Variants in ACTA2 observed in about 807,000 individuals in gnomAD.
ACTA2 encodes actin, aortic smooth muscle.
ACTA2 carries 12 observed loss-of-function variants against 39.5 expected under a neutral mutation model. That is an observed-to-expected ratio of 0.30 (90% confidence interval 0.19 to 0.49). The LOEUF (loss-of-function observed/expected upper bound fraction) is 0.49. Ranked by LOEUF, ACTA2 falls within the 20% of genes least tolerant of loss-of-function variation. ACTA2 has a pLI of 0.99. For synonymous variants in ACTA2, 158 were observed against 180.6 expected (o/e 0.88, Z 1.00); for missense variants, 236 against 498.8 (o/e 0.47, Z 5.02).
At chr10:88,973,946 C>T (rs11812622) in intron 1 of ACTA2, 12,981 of 152,370 alleles carry the variant, frequency 0.085, 718 homozygotes, top group Non-Finnish European at 0.13. Flanking sequence ...GGACTACAGG[C>T]GTGCACCACC....
Position 88,990,754 on chromosome 10 carries a change from G to T in ACTA2, c.-24+185C>A. The T allele has an allele frequency of 7.9e-7, 1 of 1,263,374 alleles. No individual in the cohort carries two copies. The highest frequency in any genetic ancestry group is 1.1e-6 in the Non-Finnish European group (1 of 872,342). 78.3% of individuals were successfully genotyped at this position (1,263,374 alleles called of 1,614,324 possible). ...GAGCCTCAGGGGCGGGCACTGGCAC[G>T]GAACACACCCTGAGGCCAGCCCTGG... On this transcript the variant is annotated intron_variant, in intron 1 of 4. Coordinates refer to the ACTA2 transcript ENST00000415557. This position sits in a 1 kb window ranked among gnomAD's most constrained non-coding sequence, Gnocchi z 4.9.
At chr10:88,975,642 A>ATT (rs564584574) in intron 1 of ACTA2, among the ~76,000 whole-genome samples, 1 of 148,778 alleles carries the variant, frequency 6.7e-6, no homozygotes, top group Non-Finnish European at 1.5e-5. Context: ...TGAGAGTAGG[A>ATT]TTTTTTTTTT....
chr10:88,989,657 C>T, intron 1 of ACTA2: 1 of 480,358 alleles, frequency 2.1e-6, no homozygotes, highest in Non-Finnish European at 4.1e-6. Context: ...TTTGAGGGCC[C>T]AAACAGGCTC....
chr10:88,982,854 T>G (rs1338381349), intron 1 of ACTA2, among the ~76,000 whole-genome samples: 1 of 152,172 alleles, frequency 6.6e-6, no homozygotes. Flanking sequence ...AGAAATGCTG[T>G]AATAATAATA....
intron 1 of ACTA2, among the ~76,000 whole-genome samples, chr10:88,982,139 G>C (rs189717085): frequency 6.6e-6 from 1 of 152,224 alleles, no homozygotes; most frequent in Non-Finnish European, 1.5e-5. Context: ...ACAGCTTACT[G>C]GTTGGGTGAC....
intron 1 of ACTA2, among the ~76,000 whole-genome samples, chr10:88,985,171 T>C (rs991196867): frequency 1.1e-4 from 16 of 152,174 alleles, no homozygotes; most frequent in African/African-American, 3.9e-4. Context: ...TGGAAAGACT[T>C]ATGTTTACCA....
intron 1 of ACTA2, among the ~76,000 whole-genome samples, chr10:88,986,183 G>C (rs192888480): frequency 4.5e-4 from 69 of 152,246 alleles, no homozygotes; most frequent in African/African-American, 1.6e-3. Flanking sequence ...GCCCACTCAG[G>C]ATGAAATTTT....
At chr10:88,957,439 T>C (rs894925625), upstream of ACTA2, among the ~76,000 whole-genome samples, 1 of 152,194 alleles carries the variant, frequency 6.6e-6, no homozygotes, top group African/African-American at 2.4e-5. Context: ...TAAAAGATGT[T>C]TTAAATTCCT....
chr10:88,973,190 A>ATTCCTTTC (rs1846488401), intron 1 of ACTA2: 1 of 1,612,220 alleles, frequency 6.2e-7, no homozygotes, highest in Non-Finnish European at 8.5e-7. Flanking sequence ...AGATTCAGAA[A>ATTCCTTTC]TTCCTTTCTG....
At chr10:88,940,787 A>ATAT (rs1845833458) in intron 6 of ACTA2, 2 of 284,542 alleles carry the variant, frequency 7.0e-6, no homozygotes, top group Non-Finnish European at 1.4e-5. Flanking sequence ...CAATCATGTG[A>ATAT]TATAGGGTCT....
chr10:88,962,642 C>G (rs777801712), intron 1 of ACTA2, among the ~76,000 whole-genome samples: 1 of 152,054 alleles, frequency 6.6e-6, no homozygotes, highest in South Asian at 2.1e-4. Context: ...GTGTCACACA[C>G]TATTTCAGTG....
At chr10:88,952,550 CCT>C (rs1846068870) in intron 1 of ACTA2, among the ~76,000 whole-genome samples, 179 bp downstream of exon 1, 1 of 152,178 alleles carries the variant, frequency 6.6e-6, no homozygotes, top group African/African-American at 2.4e-5. Flanking sequence ...ACATATTAGC[CCT>C]GTCTTTAACG....
intron 1 of ACTA2, among the ~76,000 whole-genome samples, chr10:88,976,599 A>T (rs568197290): frequency 6.6e-6 from 1 of 152,368 alleles, no homozygotes; most frequent in East Asian, 1.9e-4. Context: ...AATGACTAAC[A>T]TATCTCTAAT....
At chr10:88,939,339 G>T (rs1305142197) in intron 7 of ACTA2, 168 bp downstream of exon 7, 1 of 825,622 alleles carries the variant, frequency 1.2e-6, no homozygotes, top group Non-Finnish European at 2.0e-6. Flanking sequence ...CTTTTTCCTG[G>T]CCTCATTATG....
intron 1 of ACTA2, among the ~76,000 whole-genome samples, chr10:88,950,177 T>C (rs1846024384): frequency 6.6e-6 from 1 of 152,208 alleles, no homozygotes; most frequent in Non-Finnish European, 1.5e-5. Context: ...TAGCCACCCC[T>C]TGGCTTCCAG....
chr10:88,937,106 A>AC (rs1180324686), intron 8 of ACTA2, among the ~76,000 whole-genome samples: 1 of 146,550 alleles, frequency 6.8e-6, no homozygotes, highest in African/African-American at 2.5e-5. Context: ...TCCAAGAAAC[A>AC]CAAACGCTGT....
At chr10:88,939,792 G>A (rs1046990683) in intron 6 of ACTA2, 94 bp from the exon 7 acceptor site, 27 of 1,320,870 alleles carry the variant, frequency 2.0e-5, no homozygotes, top group Non-Finnish European at 2.9e-5. Context: ...CTCAAGACAT[G>A]TGCCATCAAA....
At chr10:88,975,706 T>C (rs114224163) in intron 1 of ACTA2, among the ~76,000 whole-genome samples, 1,574 of 152,210 alleles carry the variant, frequency 0.01, 26 homozygotes, top group African/African-American at 0.035. Context: ...CTGGCACATA[T>C]TGGCCTCTTA....
At chr10:88,969,702 T>A (rs1000845346) in intron 1 of ACTA2, among the ~76,000 whole-genome samples, 2 of 152,214 alleles carry the variant, frequency 1.3e-5, no homozygotes, top group African/African-American at 4.8e-5. Flanking sequence ...TTCATATACG[T>A]TAATAGCACT....
Sources: gnomAD v4.1 joint callset for allele counts (sites outside exome capture counted in the v4.1 genomes callset) on GRCh38, gnomAD v4.1.1 for gene constraint, Gnocchi (gnomAD v3.1) non-coding constraint, MANE v1.5 for transcripts, NCBI Gene and HGNC (gene_info 2026-07-23, HGNC 2026-07-21) for gene names.